The following ALK variants were observed in gnomAD, a reference collection of about 807,000 sequenced individuals.
The protein encoded by ALK is ALK receptor tyrosine kinase.
In ALK, 74 loss-of-function variants were observed where a neutral mutation model predicts 163.1. The observed-to-expected ratio is 0.45, with a 90% confidence interval of 0.38 to 0.55. ALK has a LOEUF of 0.55. Among genes scored for constraint, ALK ranks in the 20% least tolerant of loss-of-function variants. ALK has a pLI of 0.00. For missense variants in ALK, 2,063 were observed against 2,105.3 expected (o/e 0.98, Z 0.39); for synonymous variants, 960 against 843.2 (o/e 1.14, Z -2.40).
chr2:29,581,948 T>G (rs1410799229), intron 3 of ALK, among the ~76,000 whole-genome samples: 1 of 152,046 alleles, frequency 6.6e-6, no homozygotes, highest in Non-Finnish European at 1.5e-5. Flanking sequence ...CTCTGCAGAG[T>G]AGGCTGCAGG....
At chr2:29,735,626 A>T (rs1025106564) in intron 1 of ALK, among the ~76,000 whole-genome samples, 2 of 151,974 alleles carry the variant, frequency 1.3e-5, no homozygotes, top group African/African-American at 4.8e-5. Flanking sequence ...CATAATCTCC[A>T]CACGTCATGG....
chr2:29,361,662 G>A (rs1284675887), intron 5 of ALK, among the ~76,000 whole-genome samples: 2 of 152,150 alleles, frequency 1.3e-5, no homozygotes, highest in Non-Finnish European at 2.9e-5. Flanking sequence ...GATCCCTGTG[G>A]GGTCTGCAAT....
chr2:29,620,699 CA>C (rs1437593727), intron 3 of ALK, among the ~76,000 whole-genome samples: 1 of 152,146 alleles, frequency 6.6e-6, no homozygotes, highest in Non-Finnish European at 1.5e-5. Flanking sequence ...CTCTAATAGC[CA>C]ATGGCTTCAC....
intron 18 of ALK, among the ~76,000 whole-genome samples, chr2:29,226,655 C>T (rs1664004240): frequency 6.6e-6 from 1 of 152,094 alleles, no homozygotes; most frequent in African/African-American, 2.4e-5. Context: ...ATCCCTGTCA[C>T]TGGGCATGTT....
At chr2:29,607,239 CCTT>C (rs1182662245) in intron 3 of ALK, among the ~76,000 whole-genome samples, 1 of 152,148 alleles carries the variant, frequency 6.6e-6, no homozygotes, top group African/African-American at 2.4e-5. Flanking sequence ...GTGCTTTCCT[CCTT>C]GACGGGCGTG....
At chr2:29,526,548 C>T (rs751672942) in intron 4 of ALK, among the ~76,000 whole-genome samples, 1 of 152,024 alleles carries the variant, frequency 6.6e-6, no homozygotes, top group Non-Finnish European at 1.5e-5. Flanking sequence ...TTATTCAGAC[C>T]ATGGGGGAAA....
chr2:29,680,869 GT>G (rs1226612743), intron 3 of ALK, among the ~76,000 whole-genome samples: 1 of 151,984 alleles, frequency 6.6e-6, no homozygotes, highest in Non-Finnish European at 1.5e-5. Flanking sequence ...TGTTCTTATA[GT>G]TGTTTTATTT....
At chr2:29,427,037 CAA>C (rs70958261) in intron 4 of ALK, among the ~76,000 whole-genome samples, 129 of 40,090 alleles carry the variant, frequency 3.2e-3, no homozygotes, top group Non-Finnish European at 4.5e-3. Context: ...GACTCCGTCT[CAA>C]AAAAAAAAAA....
intron 1 of ALK, among the ~76,000 whole-genome samples, chr2:29,803,860 T>A (rs1664545147): frequency 6.6e-6 from 1 of 152,210 alleles, no homozygotes; most frequent in South Asian, 2.1e-4. Flanking sequence ...CTTACATGTG[T>A]ATATGGGCTC....
At chr2:29,581,860 C>G (rs760442564) in intron 3 of ALK, among the ~76,000 whole-genome samples, 3 of 152,200 alleles carry the variant, frequency 2.0e-5, no homozygotes, top group Non-Finnish European at 4.4e-5. Flanking sequence ...GTCCATCCTG[C>G]CTTGTTTCCT....
intron 1 of ALK, among the ~76,000 whole-genome samples, chr2:29,837,156 G>A (rs1304770239): frequency 1.3e-5 from 2 of 152,116 alleles, no homozygotes; most frequent in African/African-American, 2.4e-5. Context: ...TAGCCTATCC[G>A]GAATTATACA....
chr2:29,436,986 A>G (rs1670417398), intron 4 of ALK, among the ~76,000 whole-genome samples: 1 of 152,186 alleles, frequency 6.6e-6, no homozygotes. Flanking sequence ...GGTCAAATCT[A>G]CAACCAGTCC....
intron 3 of ALK, among the ~76,000 whole-genome samples, chr2:29,533,866 C>A (rs1314384907): frequency 1.3e-5 from 2 of 152,016 alleles, no homozygotes; most frequent in Admixed American, 1.3e-4. Flanking sequence ...TGTTGGGAGC[C>A]TTCAGGAAGG....
chr2:29,713,853 A>ACC (rs1359658818), intron 2 of ALK, among the ~76,000 whole-genome samples: 2 of 150,132 alleles, frequency 1.3e-5, no homozygotes, highest in Admixed American at 6.6e-5. Flanking sequence ...TTTTTTTTTT[A>ACC]AATAAATGAA....
intron 4 of ALK, among the ~76,000 whole-genome samples, chr2:29,390,494 G>C (rs1311430948): frequency 6.6e-6 from 1 of 151,834 alleles, no homozygotes; most frequent in Non-Finnish European, 1.5e-5. Flanking sequence ...CAAGTGTCTG[G>C]ACGAGGTGTG....
chr2:29,829,329 G>C (rs1191965797), intron 1 of ALK, among the ~76,000 whole-genome samples: 1 of 150,270 alleles, frequency 6.7e-6, no homozygotes, highest in South Asian at 2.1e-4. Context: ...AAAAAAGAAA[G>C]AAAGATGAAG....
chr2:29,446,156 A>AC (rs70958263), intron 4 of ALK, among the ~76,000 whole-genome samples: 1 of 150,010 alleles, frequency 6.7e-6, no homozygotes, highest in East Asian at 2.0e-4. Context: ...AAACAAACAA[A>AC]ATAAAACAAA....
chr2:29,850,556 T>C (rs1408771410), intron 1 of ALK, among the ~76,000 whole-genome samples: 1 of 152,194 alleles, frequency 6.6e-6, no homozygotes, highest in African/African-American at 2.4e-5. Flanking sequence ...CATTGGCAAC[T>C]GCAGAAAAAG....
chr2:29,651,066 C>T (rs765474434), intron 3 of ALK, among the ~76,000 whole-genome samples: 3 of 151,980 alleles, frequency 2.0e-5, no homozygotes, highest in African/African-American at 7.2e-5. Context: ...ACACAGAAGC[C>T]GATATGGGTG....
Sources: allele counts gnomAD v4.1 joint callset (sites outside exome capture counted in the v4.1 genomes callset), GRCh38; gene constraint gnomAD v4.1.1; transcripts MANE v1.5; gene names NCBI Gene and HGNC (gene_info 2026-07-23, HGNC 2026-07-21).